Variants in SLC35D2 observed in about 807,000 individuals in gnomAD.
SLC35D2 encodes the protein solute carrier family 35 member D2.
In SLC35D2, 43 loss-of-function variants were observed where a neutral mutation model predicts 41.8. The ratio of observed to expected loss-of-function variants is 1.03; its 90% CI spans 0.81 to 1.33. The LOEUF (loss-of-function observed/expected upper bound fraction) is 1.33, where lower values mean the gene tolerates loss of function less well. Among genes scored for constraint, SLC35D2 ranks in the 40% most tolerant of loss-of-function variants. SLC35D2 has a pLI of 0.00. For missense variants in SLC35D2, 380 were observed against 408.4 expected (o/e 0.93, Z 0.60); for synonymous variants, 150 against 163.9 (o/e 0.92, Z 0.65).
chr9:96,380,062 A>G (rs1321320823), intron 1 of SLC35D2, among the ~76,000 whole-genome samples: 1 of 151,908 alleles, frequency 6.6e-6, no homozygotes, highest in Non-Finnish European at 1.5e-5. Context: ...ACACCCAGCT[A>G]ATATTTGTAT....
chr9:96,327,555 C>G (rs1054041978), intron 9 of SLC35D2, among the ~76,000 whole-genome samples: 1 of 152,172 alleles, frequency 6.6e-6, no homozygotes, highest in Non-Finnish European at 1.5e-5. Context: ...CCTCAGTGAG[C>G]AGCCATCCTC....
At chr9:96,351,384 A>G (rs189226867) in intron 5 of SLC35D2, among the ~76,000 whole-genome samples, 1 of 151,918 alleles carries the variant, frequency 6.6e-6, no homozygotes, top group African/African-American at 2.4e-5. Flanking sequence ...CTAATTACAA[A>G]CTGATTTCTC....
intron 8 of SLC35D2, 32 bp from the exon 9 acceptor site, chr9:96,336,816 G>C: frequency 3.2e-6 from 4 of 1,265,100 alleles, no homozygotes. Context: ...CTAATGATTA[G>C]GTTAATAATA....
At chr9:96,382,365 G>A (rs1831228960) in intron 1 of SLC35D2, among the ~76,000 whole-genome samples, 2 of 151,770 alleles carry the variant, frequency 1.3e-5, no homozygotes, top group Non-Finnish European at 2.9e-5. Context: ...GCAGCAGAAG[G>A]ATTGCTTGAA....
intron 7 of SLC35D2, 97 bp downstream of exon 7, chr9:96,345,202 T>A (rs921432976): frequency 9.4e-6 from 6 of 639,918 alleles, no homozygotes; most frequent in East Asian, 5.8e-5. Flanking sequence ...ATTATATAAA[T>A]TAAATTACAT....
rs150541730 is a variant in SLC35D2, at chr9:96,368,926, G to A, written c.159-621C>T. On this transcript the variant is annotated intron_variant, in intron 1 of 11. Coordinates refer to ENST00000253270, the MANE Select transcript of SLC35D2 (RefSeq NM_007001.3). ...ACTATAGGCGCGCACCACCATGCCC[G>A]GTTAATTTTTGTATTTTTAGTAGAA... 3.7e-3 allele frequency among the ~76,000 whole-genome samples: 555 copies of A among 151,850 alleles called. 25 individuals are homozygous for A. In the East Asian group the frequency reaches 0.078, roughly 21 times the overall value.
chr9:96,350,384 G>A (rs934158701), intron 6 of SLC35D2, among the ~76,000 whole-genome samples: 1 of 103,710 alleles, frequency 9.6e-6, no homozygotes, highest in East Asian at 2.9e-4. Flanking sequence ...TGTAGAAATA[G>A]GTTCTCACAA....
At chr9:96,383,397 C>A in intron 1 of SLC35D2, 80 bp downstream of exon 1, 1 of 1,217,108 alleles carries the variant, frequency 8.2e-7, no homozygotes, top group Non-Finnish European at 1.1e-6. Flanking sequence ...CCCGCCCTGT[C>A]CCGGGCGCCG....
chr9:96,376,178 C>T (rs898023573), intron 1 of SLC35D2, among the ~76,000 whole-genome samples: 4 of 150,674 alleles, frequency 2.7e-5, no homozygotes. Flanking sequence ...GCCTGTAATC[C>T]CAGCTACTCG....
chr9:96,329,291 T>C (rs1313789172), intron 9 of SLC35D2, among the ~76,000 whole-genome samples: 2 of 151,840 alleles, frequency 1.3e-5, no homozygotes, highest in African/African-American at 4.8e-5. Flanking sequence ...AGTGTAGTGG[T>C]GCCATCATAG....
At chr9:96,314,713 A>G (rs1462544949) in exon 12 of SLC35D2, 7 of 152,452 alleles carry the variant, frequency 4.6e-5, no homozygotes, top group Admixed American at 3.9e-4. Flanking sequence ...ACAAACCTGC[A>G]CATCCTGCAC....
chr9:96,327,540 G>A lies in SLC35D2; in HGVS notation c.753-3371C>T, dbSNP rs1226104219. On this transcript the variant is annotated intron_variant, in intron 9 of 11. Coordinates refer to ENST00000253270, the MANE Select transcript of SLC35D2 (RefSeq NM_007001.3). Reference sequence around the variant, plus strand: ...GAGAATCCCTCCCTAACATTCTGGAGTGAGCCTCAGTGAGCAGCCATCCTC... The same window carrying A: ...GAGAATCCCTCCCTAACATTCTGGAATGAGCCTCAGTGAGCAGCCATCCTC... 5.3e-5 allele frequency among the ~76,000 whole-genome samples: 8 copies of A among 152,180 alleles called. No homozygotes were observed. The East Asian group carries it at 1.5e-3, about 29-fold the overall frequency.
chr9:96,329,863 G>A (rs1439577718), intron 9 of SLC35D2, among the ~76,000 whole-genome samples: 2 of 152,194 alleles, frequency 1.3e-5, no homozygotes, highest in Non-Finnish European at 2.9e-5. Context: ...CCAGAGGAAC[G>A]GAACCAATAG....
chr9:96,360,187 T>C lies in SLC35D2; in HGVS notation c.314A>G (p.His105Arg). The C allele has an allele frequency of 6.2e-7, 1 of 1,613,152 alleles. No individual in the cohort carries two copies. The highest frequency in any genetic ancestry group is 1.1e-5 in the South Asian group (1 of 90,998). ...FPLPLLYVGN[H>R]ISGLSSTSKL... is the part of the protein sequence containing the mutation. ...ACTTGTGCTTGATAATCCACTTATGTGGTTTCCAACGTAGAGGAGAGGCAG... is the reference window on the plus strand; with the variant it reads ...ACTTGTGCTTGATAATCCACTTATGCGGTTTCCAACGTAGAGGAGAGGCAG... Residue 105 changes from histidine to arginine, a missense_variant, in exon 4 of 12, where the codon CAC becomes CGC. His to Arg is a conservative substitution (Grantham distance 29, BLOSUM62 0). Transcript: ENST00000253270.
chr9:96,341,700 G>A (rs1829331000), intron 8 of SLC35D2, among the ~76,000 whole-genome samples: 1 of 152,154 alleles, frequency 6.6e-6, no homozygotes, highest in Non-Finnish European at 1.5e-5. Flanking sequence ...GGCAACTTCT[G>A]AAAACACCAT....
rs530956725 is a variant in SLC35D2 at position 96,324,075 on chromosome 9, G to C, written c.831+16C>G. 5 of 1,607,202 alleles carry C rather than the reference G, an allele frequency of 3.1e-6. No homozygotes were observed. In the South Asian group the frequency reaches 5.5e-5, roughly 18 times the overall value. ...CCTTGACTCAGTTGTTCCCTTCCAA[G>C]TTTCCATCCACTCACCTTGATGGCT... On this transcript the variant is annotated intron_variant, in intron 10 of 11. Transcript: ENST00000253270.
intron 1 of SLC35D2, among the ~76,000 whole-genome samples, chr9:96,373,025 G>A (rs559182742): frequency 6.6e-6 from 1 of 150,786 alleles, no homozygotes; most frequent in Non-Finnish European, 1.5e-5. Context: ...TCAGCCTTCC[G>A]AATGTCTGGG....
intron 10 of SLC35D2, among the ~76,000 whole-genome samples, chr9:96,323,787 G>A (rs1454289755): frequency 6.6e-6 from 1 of 151,988 alleles, no homozygotes; most frequent in Non-Finnish European, 1.5e-5. Context: ...TTAGCCGGGT[G>A]TGGTGGCAGG....
downstream of SLC35D2, among the ~76,000 whole-genome samples, chr9:96,316,595 CCT>C (rs1828058491): frequency 6.6e-6 from 1 of 152,084 alleles, no homozygotes; most frequent in Admixed American, 6.5e-5. Context: ...GTGAATGTTC[CCT>C]GACAGTCTGC....
Sources: gnomAD v4.1 joint callset for allele counts (sites outside exome capture counted in the v4.1 genomes callset) on GRCh38, gnomAD v4.1.1 for gene constraint, MANE v1.5 for transcripts, NCBI Gene and HGNC (gene_info 2026-07-23, HGNC 2026-07-21) for gene names.